Variants in SLFN12L observed in about 807,000 individuals in gnomAD.
The protein encoded by SLFN12L is schlafen family member 12-like.
SLFN12L carries 34 observed loss-of-function variants against 34.8 expected under a neutral mutation model. The observed-to-expected ratio is 0.98, with a 90% CI of 0.74 to 1.30. The LOEUF is 1.30. Among genes scored for constraint, SLFN12L ranks in the 50% most tolerant of loss-of-function variants. SLFN12L has a pLI of 0.00. For synonymous variants in SLFN12L, 259 were observed against 247.5 expected (o/e 1.05, Z -0.44); for missense variants, 703 against 696.2 (o/e 1.01, Z -0.11).
chr17:35,502,576 G>A (rs1490308186), intron 2 of SLFN12L, among the ~76,000 whole-genome samples: 2 of 151,538 alleles, frequency 1.3e-5, no homozygotes, highest in Non-Finnish European at 2.9e-5. Context: ...GATGATAGAT[G>A]GTTCCTCCCG....
At chr17:35,486,538 T>G (rs1914589043) in intron 2 of SLFN12L, among the ~76,000 whole-genome samples, 1 of 152,068 alleles carries the variant, frequency 6.6e-6, no homozygotes, top group Non-Finnish European at 1.5e-5. Context: ...TGTAAAACTT[T>G]CCATGGTTCA....
intron 2 of SLFN12L, among the ~76,000 whole-genome samples, chr17:35,512,190 T>G (rs1030492816): frequency 2.5e-5 from 3 of 120,428 alleles, no homozygotes; most frequent in Non-Finnish European, 5.1e-5. Flanking sequence ...AGTCTCGCTC[T>G]GTCGCCCAGG....
In SLFN12L at chr17:35,473,774, G is replaced by A. The variant is rs1166445051; in HGVS notation, c.*1149C>T. ...TCTGGTAGAATTCAGCTGTGAATCT[G>A]TCTGGTCCTGGGCTTTTTTTGGTTA... On this transcript the variant is annotated 3_prime_UTR_variant, in exon 5 of 5. Transcript: ENST00000628453. 3 of 152,148 alleles carry A rather than the reference G, an allele frequency of 2.0e-5. No homozygotes were observed. The highest frequency in any genetic ancestry group is 4.4e-5 in the Non-Finnish European group (3 of 68,028). The allele number at this position is 152,148 out of a possible 1,614,324, so 9.4% of individuals were successfully genotyped here.
chr17:35,488,654 G>T (rs1914706774), intron 2 of SLFN12L, among the ~76,000 whole-genome samples: 1 of 152,158 alleles, frequency 6.6e-6, no homozygotes. Flanking sequence ...AGTCTGAATT[G>T]CCCTTTCTCC....
intron 2 of SLFN12L, among the ~76,000 whole-genome samples, chr17:35,514,293 G>A (rs990284009): frequency 6.6e-6 from 1 of 152,200 alleles, no homozygotes; most frequent in African/African-American, 2.4e-5. Context: ...GCAGATTTAT[G>A]TCTAAGAGAT....
rs770734010 is a variant in SLFN12L, at chr17:35,522,568, T to C, written c.-204A>G. 114 of 1,609,094 alleles carry C rather than the reference T, an allele frequency of 7.1e-5. No individual in the cohort carries two copies. Among genetic ancestry groups the C allele is most frequent in the East Asian group, 1.6e-4 (7 of 44,892 alleles). On this transcript the variant is annotated 5_prime_UTR_variant, in exon 2 of 5. Coordinates refer to ENST00000628453, the MANE Select transcript of SLFN12L (RefSeq NM_001363830.2). Reference sequence around the variant, plus strand: ...GACTGCAGCAGGGCTTCCAATGTGCTGGGTGCCTGCAAAACTATAGGACGC... The same window carrying C: ...GACTGCAGCAGGGCTTCCAATGTGCCGGGTGCCTGCAAAACTATAGGACGC...
chr17:35,499,111 T>A, intron 2 of SLFN12L: 3 of 859,310 alleles, frequency 3.5e-6, no homozygotes, highest in Non-Finnish European at 5.6e-6. Flanking sequence ...TCCAGGAAGT[T>A]AAAATCAGAG....
Position 35,465,171 on chromosome 17 carries a change from C to T in SLFN12L, c.*9752G>A, listed in dbSNP as rs7225005. ...CTGGGATTACAGGCGTGAGCCACCA[C>T]GCCTGGCCAGAACTGAAAGCTCTAA... On this transcript the variant is annotated 3_prime_UTR_variant, in exon 5 of 5. Coordinates refer to ENST00000628453, the MANE Select transcript of SLFN12L (RefSeq NM_001363830.2). Among the ~76,000 whole-genome samples, 11,250 of 152,170 alleles carry T rather than the reference C, an allele frequency of 0.074. 632 individuals are homozygous for T. Among genetic ancestry groups the T allele is most frequent in the East Asian group, 0.29 (1,496 of 5,166 alleles).
Position 35,480,076 on chromosome 17 carries a change from T to C in SLFN12L, c.206A>G (p.Asn69Ser), listed in dbSNP as rs746339502. The change falls in exon 3 of 5, where the codon AAT becomes AGT. Residue 69 changes from asparagine to serine, a missense_variant. Asn to Ser is a conservative substitution (Grantham distance 46, BLOSUM62 1). Transcript: ENST00000628453. ...NVGRVTLGEN[N>S]RKKMKDCQLR... ...TTGACAATCCTTCATTTTTTTTCTA[T>C]TGTTCTCTCCAAGAGTGACTCTTCC... 3 of 1,614,076 alleles carry C rather than the reference T, an allele frequency of 1.9e-6. No individual in the cohort carries two copies. The African/African-American group carries it at 4.0e-5, about 22-fold the overall frequency.
rs1447657812 is a variant in SLFN12L at position 35,468,991 on chromosome 17, C to T, written c.*5932G>A. On this transcript the variant is annotated 3_prime_UTR_variant, in exon 5 of 5. Transcript: ENST00000628453. ...TGACCACACCACTGCACTCCAGCCT[C>T]GGTGACAAGGGCAAGACCCTGTGTC... 6.6e-6 allele frequency among the ~76,000 whole-genome samples: 1 copy of T among 151,976 alleles called. No individual in the cohort carries two copies. Among genetic ancestry groups the T allele is most frequent in the Admixed American group, 6.6e-5 (1 of 15,260 alleles).
At chr17:35,524,229 G>A (rs1263463146) in intron 1 of SLFN12L, among the ~76,000 whole-genome samples, 1 of 152,168 alleles carries the variant, frequency 6.6e-6, no homozygotes, top group Non-Finnish European at 1.5e-5. Context: ...AAGAAGTTGG[G>A]GGAGATAAAT....
chr17:35,479,825 T>G lies in SLFN12L; in HGVS notation c.457A>C (p.Ser153Arg). The G allele has an allele frequency of 1.9e-6, 3 of 1,608,924 alleles. No individual in the cohort carries two copies. Among genetic ancestry groups the G allele is most frequent in the Non-Finnish European group, 2.5e-6 (3 of 1,177,114 alleles). ...NYFHIFVKSW[S>R]LETSGPQIAT... is the part of the protein sequence containing the mutation. Reference sequence around the variant, plus strand: ...ATCTGCGGACCAGAGGTTTCCAAGCTCCATGATTTCACAAAAATGTGAAAG... The same window carrying G: ...ATCTGCGGACCAGAGGTTTCCAAGCGCCATGATTTCACAAAAATGTGAAAG... The change falls in exon 3 of 5, where the codon AGC (serine) becomes CGC (arginine). Residue 153 changes from serine to arginine, a missense_variant. By Grantham distance (110) the Ser-to-Arg change is moderately radical (BLOSUM62 -1). Transcript: ENST00000628453.
At chr17:35,502,236 G>C (rs1216543825) in intron 2 of SLFN12L, among the ~76,000 whole-genome samples, 2 of 151,982 alleles carry the variant, frequency 1.3e-5, no homozygotes, top group African/African-American at 2.4e-5. Flanking sequence ...GTGTAAACAA[G>C]GGGGTATCCC....
At position 35,475,343 on chromosome 17, in the gene SLFN12L, C is replaced by A; in HGVS notation, c.1419G>T (p.Leu473Phe). 6.2e-7 allele frequency: 1 copy of A among 1,614,164 alleles called. No individual in the cohort carries two copies. ...GSLIFSRSWSLDLGLQENHKV... is the reference protein window; with the variant it reads ...GSLIFSRSWSFDLGLQENHKV... ...TGTGGTTCTCTTGCAAGCCCAGATCCAAAGACCAGCTCCTAGAGAAGATCA... is the reference window on the plus strand; with the variant it reads ...TGTGGTTCTCTTGCAAGCCCAGATCAAAAGACCAGCTCCTAGAGAAGATCA... The change falls in exon 5 of 5, where the codon TTG becomes TTT. Residue 473 changes from leucine (L) to phenylalanine (F), a missense_variant. Leu to Phe is a conservative substitution (Grantham distance 22). Transcript: ENST00000628453.
Position 35,475,032 on chromosome 17 carries a change from T to A in SLFN12L, c.1730A>T (p.Glu577Val), listed in dbSNP as rs1191709765. 6 of 1,606,438 alleles carry A rather than the reference T, an allele frequency of 3.7e-6. 1 individual carries two copies. Among genetic ancestry groups the A allele is most frequent in the Non-Finnish European group, 5.1e-6 (6 of 1,175,408 alleles). ...AGGTAAGATATTTGAAAGGGCCTTTTCCAAGTCTTTCATTGTTTGAGCTGT... is the reference window on the plus strand; with the variant it reads ...AGGTAAGATATTTGAAAGGGCCTTTACCAAGTCTTTCATTGTTTGAGCTGT... ...WTTAQTMKDL[E>V]KALSNILPKE... is the part of the protein sequence containing the mutation. The change falls in exon 5 of 5, where the codon GAA becomes GTA. Residue 577 changes from glutamate (E) to valine (V), a missense_variant. Transcript: ENST00000628453.
intron 2 of SLFN12L, among the ~76,000 whole-genome samples, chr17:35,513,877 G>A (rs1915732073): frequency 6.6e-6 from 1 of 152,162 alleles, no homozygotes; most frequent in South Asian, 2.1e-4. Flanking sequence ...ATCAACAATA[G>A]AGTTGTATCA....
chr17:35,498,435 T>A (rs2142147935), intron 2 of SLFN12L: 1 of 1,307,106 alleles, frequency 7.7e-7, no homozygotes, highest in East Asian at 2.3e-5. Context: ...TGAAGTACAG[T>A]TTGGACGACT....
Position 35,464,952 on chromosome 17 carries a change from C to A in SLFN12L, c.*9971G>T, listed in dbSNP as rs1913698384. Among the ~76,000 whole-genome samples, 1 of 152,186 alleles carries A rather than the reference C, an allele frequency of 6.6e-6. No homozygotes were observed. The highest frequency in any genetic ancestry group is 2.1e-4 in the South Asian group (1 of 4,832). On this transcript the variant is annotated 3_prime_UTR_variant, in exon 5 of 5. Coordinates refer to ENST00000628453, the MANE Select transcript of SLFN12L (RefSeq NM_001363830.2). Reference sequence around the variant, plus strand: ...AGTGCGGTGGTGCCATCTTGGCTCACTGCAACCCCCGCCTCCCAGGTTCAA... The same window carrying A: ...AGTGCGGTGGTGCCATCTTGGCTCAATGCAACCCCCGCCTCCCAGGTTCAA...
At chr17:35,500,020 T>A in intron 2 of SLFN12L, 1 of 152,644 alleles carries the variant, frequency 6.6e-6, no homozygotes, top group East Asian at 1.9e-4. Flanking sequence ...TGCCTCATGT[T>A]ACTTTGGATG....
Sources: allele counts gnomAD v4.1 joint callset (sites outside exome capture counted in the v4.1 genomes callset), GRCh38; gene constraint gnomAD v4.1.1; transcripts MANE v1.5; gene names NCBI Gene and HGNC (gene_info 2026-07-23, HGNC 2026-07-21).